TATDN1: variants seen among roughly 807,000 people sequenced by gnomAD.
TATDN1 encodes deoxyribonuclease TATDN1.
In TATDN1, 40 loss-of-function variants were observed where a neutral mutation model predicts 46.4. The observed-to-expected ratio is 0.86, with a 90% CI of 0.67 to 1.12. TATDN1 has a LOEUF of 1.12. TATDN1 is among the 50% of genes most tolerant of loss of function. The pLI, the probability that TATDN1 is intolerant of heterozygous loss-of-function variation, is 0.00. For synonymous variants in TATDN1, 95 were observed against 105.6 expected, an observed-to-expected ratio of 0.90 and a Z score of 0.62; for missense variants, 326 against 348.4, an observed-to-expected ratio of 0.94 and a Z score of 0.51.
At position 124,537,609 on chromosome 8, in the gene TATDN1, T is replaced by G. The variant is rs558452539; in HGVS notation, c.22+1416A>C. Among the ~76,000 whole-genome samples, 7 of 152,350 alleles carry G rather than the reference T, an allele frequency of 4.6e-5. No individual in the cohort carries two copies. In the South Asian group the frequency reaches 1.4e-3, roughly 32 times the overall value. On this transcript the variant is annotated intron_variant, in intron 1 of 11. Coordinates refer to ENST00000276692, the MANE Select transcript of TATDN1 (RefSeq NM_032026.4). ...TGGAGGATGGATTTAAGACATTAAC[T>G]TGAGGCAGGAATTTGGTTGTATAAC...
rs561767675 is a variant in TATDN1, at chr8:124,496,168, T to C, written c.594-626A>G. Among the ~76,000 whole-genome samples the C allele has an allele frequency of 6.6e-5, 10 of 152,386 alleles. No homozygotes were observed. The East Asian group carries it at 1.3e-3, about 21-fold the overall frequency. On this transcript the variant is annotated intron_variant, in intron 9 of 11. Transcript: ENST00000276692. Reference sequence around the variant, plus strand: ...ATGACAACTAATACTGTTCTTATATTACTTTAAAAACACAATTTCTCTAAT... The same window carrying C: ...ATGACAACTAATACTGTTCTTATATCACTTTAAAAACACAATTTCTCTAAT...
chr8:124,532,536 G>A (rs1016823065), intron 1 of TATDN1, among the ~76,000 whole-genome samples: 3 of 152,152 alleles, frequency 2.0e-5, no homozygotes, highest in African/African-American at 7.2e-5. Context: ...CACCTGCCTC[G>A]GCTTCCCAAA....
chr8:124,511,418 G>T (rs947904635), intron 6 of TATDN1, among the ~76,000 whole-genome samples: 6 of 152,278 alleles, frequency 3.9e-5, no homozygotes, highest in Admixed American at 1.3e-4. Context: ...CCAAAGGATT[G>T]TTTTAAAATC....
In TATDN1 at chr8:124,499,043, G is replaced by A. The variant is rs56015003; in HGVS notation, c.594-3501C>T. Among the ~76,000 whole-genome samples, 1,396 of 150,708 alleles carry A rather than the reference G, an allele frequency of 9.3e-3. 28 individuals carry two copies. The highest frequency in any genetic ancestry group is 0.033 in the African/African-American group (1,334 of 40,930). ...TATAGCTCTAGCTACTGAGGATGCTGTGGCAGGACCATCACTTGAACTCCT... is the reference window on the plus strand; with the variant it reads ...TATAGCTCTAGCTACTGAGGATGCTATGGCAGGACCATCACTTGAACTCCT... On this transcript the variant is annotated intron_variant, in intron 9 of 11. Coordinates refer to ENST00000276692, the MANE Select transcript of TATDN1 (RefSeq NM_032026.4).
At chr8:124,527,096 G>GC (rs1457330914) in intron 1 of TATDN1, among the ~76,000 whole-genome samples, 1 of 152,188 alleles carries the variant, frequency 6.6e-6, no homozygotes, top group African/African-American at 2.4e-5. Flanking sequence ...GAGAACAAAA[G>GC]CAACCATTTC....
rs374623730 is a variant in TATDN1, at chr8:124,495,597, T to TTCGTATCACAACTTG, written c.594-70_594-56dup. 5.9e-5 allele frequency: 80 copies of TTCGTATCACAACTTG among 1,357,266 alleles called. No homozygotes were observed. In the African/African-American group the frequency reaches 1.1e-3, roughly 19 times the overall value. The allele number at this position is 1,357,266 out of a possible 1,614,324, so 84.1% of individuals were successfully genotyped here. ...AGGCAGCAATTAACGAATACCTTTT[T>TTCGTATCACAACTTG]TCGTATCACAACTTGTCTAAAATGC... On this transcript the variant is annotated intron_variant, in intron 9 of 11. Transcript: ENST00000276692.
At chr8:124,534,885 CG>C (rs1821296163) in intron 1 of TATDN1, among the ~76,000 whole-genome samples, 1 of 152,140 alleles carries the variant, frequency 6.6e-6, no homozygotes, top group African/African-American at 2.4e-5. Context: ...GAGCAGCTCA[CG>C]GAACTCAGGA....
intron 8 of TATDN1, among the ~76,000 whole-genome samples, chr8:124,505,325 G>A (rs770841365): frequency 4.6e-5 from 7 of 151,492 alleles, no homozygotes; most frequent in African/African-American, 7.3e-5. Flanking sequence ...CGGAGGTTGC[G>A]TTGAGCTGAG....
In TATDN1 at chr8:124,539,019, T is replaced by C. The variant is rs367753522; in HGVS notation, c.22+6A>G. On this transcript the variant is annotated splice_donor_region_variant and intron_variant, in intron 1 of 11. Coordinates refer to ENST00000276692, the MANE Select transcript of TATDN1 (RefSeq NM_032026.4). ...GACCCAAGGGCGTGGAAAACGCTCC[T>C]CTTACCGATAAACTTGAAGCGACTC... 1.1e-5 allele frequency: 18 copies of C among 1,614,154 alleles called. No homozygotes were observed. The highest frequency in any genetic ancestry group is 1.5e-5 in the Non-Finnish European group (18 of 1,180,012).
At chr8:124,495,983 C>T (rs1014477029) in intron 9 of TATDN1, among the ~76,000 whole-genome samples, 1 of 152,172 alleles carries the variant, frequency 6.6e-6, no homozygotes, top group Non-Finnish European at 1.5e-5. Context: ...GTAGGATGAA[C>T]TCTATTCCTT....
chr8:124,515,856 T>C (rs746348488), intron 5 of TATDN1, 31 bp downstream of exon 5: 2 of 1,613,674 alleles, frequency 1.2e-6, no homozygotes, highest in Middle Eastern at 1.7e-4. Flanking sequence ...TTTCAAACAA[T>C]GTCACTCTAA....
chr8:124,510,996 A>G (rs1048741636), intron 6 of TATDN1, among the ~76,000 whole-genome samples: 44 of 152,330 alleles, frequency 2.9e-4, no homozygotes, highest in Admixed American at 1.6e-3. Context: ...AGTACTGAAC[A>G]TCAAACGACT....
At chr8:124,531,575 C>T (rs1457553111) in intron 1 of TATDN1, among the ~76,000 whole-genome samples, 1 of 152,174 alleles carries the variant, frequency 6.6e-6, no homozygotes, top group Non-Finnish European at 1.5e-5. Context: ...TGGCCACCAC[C>T]ATAGCTGTTG....
At chr8:124,516,221 A>G (rs1032757107) in intron 4 of TATDN1, among the ~76,000 whole-genome samples, 191 bp from the exon 5 acceptor site, 1 of 152,198 alleles carries the variant, frequency 6.6e-6, no homozygotes, top group Non-Finnish European at 1.5e-5. Context: ...TAGGAGATGA[A>G]TATGAAAATT....
intron 11 of TATDN1, 148 bp downstream of exon 11, chr8:124,493,685 C>T: frequency 1.2e-6 from 1 of 840,964 alleles, no homozygotes; most frequent in Non-Finnish European, 1.8e-6. Flanking sequence ...ATGCAAATTC[C>T]TCCAAATCAC....
At chr8:124,489,084 G>A (rs1262245310) in intron 11 of TATDN1, 2 of 190,342 alleles carry the variant, frequency 1.1e-5, no homozygotes, top group South Asian at 2.0e-4. Flanking sequence ...ATAAGGGTAA[G>A]TACTGTTCCA....
chr8:124,512,278 A>G (rs1404477422), intron 6 of TATDN1, among the ~76,000 whole-genome samples: 1 of 152,200 alleles, frequency 6.6e-6, no homozygotes, highest in African/African-American at 2.4e-5. Context: ...CAAAAAAATT[A>G]GCCAGGCATG....
intron 1 of TATDN1, 124 bp from the exon 2 acceptor site, chr8:124,523,126 C>T: frequency 2.7e-6 from 2 of 740,238 alleles, no homozygotes; most frequent in Admixed American, 5.1e-5. Flanking sequence ...TATCCAAGTG[C>T]CTACCACTTG....
rs542876132 is a variant in TATDN1 at position 124,496,016 on chromosome 8, C to T, written c.594-474G>A. The stretch of plus-strand genomic sequence containing the variant: ...CTTGAATCTGGCGTTGGCCTCAAGA[C>T]TTGCTATGGCTGCCTGTGGCAGCCT... On this transcript the variant is annotated intron_variant, in intron 9 of 11. Transcript: ENST00000276692. Among the ~76,000 whole-genome samples the T allele has an allele frequency of 1.1e-4, 17 of 152,356 alleles. No homozygotes were observed. The South Asian group carries it at 3.5e-3, about 32-fold the overall frequency.
Sources: allele counts gnomAD v4.1 joint callset (sites outside exome capture counted in the v4.1 genomes callset), GRCh38; gene constraint gnomAD v4.1.1; transcripts MANE v1.5; gene names NCBI Gene and HGNC (gene_info 2026-07-23, HGNC 2026-07-21).